Variants in MAGI2 observed in about 807,000 individuals in gnomAD.
MAGI2 encodes the protein membrane associated guanylate kinase, WW and PDZ domain containing 2, also known as membrane-associated guanylate kinase, WW and PDZ domain-containing protein 2.
A neutral mutation model predicts 133.3 loss-of-function variants in MAGI2; 35 were observed. The ratio of observed to expected loss-of-function variants is 0.26; its 90% CI spans 0.20 to 0.35. The LOEUF (loss-of-function observed/expected upper bound fraction) is 0.35. MAGI2 is among the 10% of genes least tolerant of loss of function. The pLI, the probability that MAGI2 is intolerant of heterozygous loss-of-function variation, is 1.00. For missense variants in MAGI2, 1,636 were observed against 1,863.4 expected, an observed-to-expected ratio of 0.88 and a Z score of 2.25; for synonymous variants, 729 against 710.6, an observed-to-expected ratio of 1.03 and a Z score of -0.41.
chr7:78,556,737 C>T (rs553814626), intron 3 of MAGI2, among the ~76,000 whole-genome samples: 64 of 152,238 alleles, frequency 4.2e-4, no homozygotes, highest in Middle Eastern at 6.8e-3. Context: ...AAACACACTC[C>T]CTTCTCTTTC....
chr7:78,951,802 A>T (rs1324662294), intron 2 of MAGI2, among the ~76,000 whole-genome samples: 1 of 152,126 alleles, frequency 6.6e-6, no homozygotes, highest in Non-Finnish European at 1.5e-5. Flanking sequence ...ATGATTTCTT[A>T]TATTCAGAAA....
chr7:78,855,790 A>G (rs974122082), intron 2 of MAGI2, among the ~76,000 whole-genome samples: 9 of 152,208 alleles, frequency 5.9e-5, no homozygotes, highest in Admixed American at 3.9e-4. Flanking sequence ...TGGCTGGGTC[A>G]AATGGTATTT....
At chr7:79,170,316 G>T (rs1224696269) in intron 1 of MAGI2, among the ~76,000 whole-genome samples, 1 of 151,154 alleles carries the variant, frequency 6.6e-6, no homozygotes, top group Non-Finnish European at 1.5e-5. Context: ...GGGACTACAG[G>T]CATGTGCCAC....
intron 21 of MAGI2, among the ~76,000 whole-genome samples, chr7:78,070,672 C>A (rs1814588901): frequency 6.9e-6 from 1 of 145,694 alleles, no homozygotes; most frequent in Non-Finnish European, 1.5e-5. Context: ...GACGGAGTCT[C>A]ACTCTGTCAC....
chr7:78,983,660 T>A (rs1219948252), intron 2 of MAGI2, among the ~76,000 whole-genome samples: 1 of 152,128 alleles, frequency 6.6e-6, no homozygotes, highest in South Asian at 2.1e-4. Flanking sequence ...CCTCTAATAG[T>A]TGATTCTCAG....
chr7:79,402,272 A>G (rs1380050351), intron 1 of MAGI2, among the ~76,000 whole-genome samples: 1 of 152,182 alleles, frequency 6.6e-6, no homozygotes, highest in Non-Finnish European at 1.5e-5. Flanking sequence ...TTTAATAGTA[A>G]CCATGAAATT....
At chr7:79,376,784 C>A (rs1025015682) in intron 1 of MAGI2, among the ~76,000 whole-genome samples, 3 of 151,050 alleles carry the variant, frequency 2.0e-5, no homozygotes, top group African/African-American at 7.3e-5. Context: ...TAACTGAAAC[C>A]ACAGAAAGTG....
Position 79,453,128 on chromosome 7 carries a change from G to A in MAGI2, c.193C>T (p.Leu65=). ...ESGSKLVSEE[L]LLEVNETPVA... is the part of the protein sequence containing the mutation. ...GGGGTCTCGTTCACCTCCAGCAGCAGCTCCTCCGACACCAATTTGCTGCCG... is the reference window on the plus strand; with the variant it reads ...GGGGTCTCGTTCACCTCCAGCAGCAACTCCTCCGACACCAATTTGCTGCCG... The change falls in exon 1 of 22, where the codon CTG becomes TTG. Residue 65 remains leucine (L), a synonymous_variant. Coordinates refer to ENST00000354212, the MANE Select transcript of MAGI2 (RefSeq NM_012301.4). The A allele has an allele frequency of 6.2e-7, 1 of 1,613,932 alleles. No individual in the cohort carries two copies. The highest frequency in any genetic ancestry group is 8.5e-7 in the Non-Finnish European group (1 of 1,180,026).
At chr7:79,202,466 G>T (rs1392825728) in intron 1 of MAGI2, among the ~76,000 whole-genome samples, 1 of 151,772 alleles carries the variant, frequency 6.6e-6, no homozygotes, top group Admixed American at 6.6e-5. Context: ...TTTAGCATAA[G>T]GTATATAACT....
chr7:78,417,566 A>C (rs923796487), intron 6 of MAGI2, among the ~76,000 whole-genome samples: 18 of 152,188 alleles, frequency 1.2e-4, no homozygotes, highest in Non-Finnish European at 1.5e-5. Flanking sequence ...CAAGACCATG[A>C]GTTATTTGAG....
chr7:78,288,766 T>G (rs1353116892), intron 9 of MAGI2, among the ~76,000 whole-genome samples: 1 of 152,184 alleles, frequency 6.6e-6, no homozygotes, highest in Non-Finnish European at 1.5e-5. Context: ...AGAGGAAGGA[T>G]CAGGCAGCAA....
At chr7:78,499,164 A>G (rs1417438410) in intron 5 of MAGI2, among the ~76,000 whole-genome samples, 1 of 152,124 alleles carries the variant, frequency 6.6e-6, no homozygotes. Flanking sequence ...CAACTAATAC[A>G]TACTTCTCTA....
At chr7:79,073,238 AG>A (rs957476759) in intron 1 of MAGI2, among the ~76,000 whole-genome samples, 5 of 152,212 alleles carry the variant, frequency 3.3e-5, no homozygotes, top group African/African-American at 1.2e-4. Context: ...AATTAACATA[AG>A]AATTTAAGTG....
intron 10 of MAGI2, chr7:78,253,128 TAAC>T (rs765214088): frequency 3.9e-5 from 6 of 152,144 alleles, no homozygotes; most frequent in Non-Finnish European, 7.4e-5. Flanking sequence ...CAAATGTTCA[TAAC>T]AACATGATTC....
At chr7:78,837,144 C>T (rs901255066) in intron 2 of MAGI2, among the ~76,000 whole-genome samples, 2 of 152,122 alleles carry the variant, frequency 1.3e-5, no homozygotes, top group African/African-American at 4.8e-5. Context: ...AAGATGTGGG[C>T]CTCAGCCTTG....
chr7:78,912,756 T>C (rs1442882741), intron 2 of MAGI2, among the ~76,000 whole-genome samples: 1 of 147,820 alleles, frequency 6.8e-6, no homozygotes, highest in Non-Finnish European at 1.5e-5. Context: ...TTCATATATA[T>C]ATATATCATT....
chr7:78,461,232 T>G (rs970079086), intron 6 of MAGI2, among the ~76,000 whole-genome samples: 1 of 152,190 alleles, frequency 6.6e-6, no homozygotes, highest in African/African-American at 2.4e-5. Flanking sequence ...GCTAGGTCAA[T>G]AAAAATATTT....
chr7:78,803,533 G>A (rs1344294425), intron 2 of MAGI2, among the ~76,000 whole-genome samples: 1 of 151,950 alleles, frequency 6.6e-6, no homozygotes, highest in East Asian at 1.9e-4. Flanking sequence ...TATCCTCTAA[G>A]TGAGCAGTTC....
intron 1 of MAGI2, among the ~76,000 whole-genome samples, chr7:79,330,319 AAATAGCTGG>A (rs994850072): frequency 8.7e-5 from 13 of 149,948 alleles, no homozygotes; most frequent in African/African-American, 3.2e-4. Flanking sequence ...TTAGCCTCCC[AAATAGCTGG>A]GACTACAGGC....
Sources: allele counts gnomAD v4.1 joint callset (sites outside exome capture counted in the v4.1 genomes callset), GRCh38; gene constraint gnomAD v4.1.1; transcripts MANE v1.5; gene names NCBI Gene and HGNC (gene_info 2026-07-23, HGNC 2026-07-21).